Variants in GRM8 observed in about 807,000 individuals in gnomAD.
GRM8 encodes metabotropic glutamate receptor 8.
Under a neutral mutation model 87.2 loss-of-function variants are expected in GRM8, and 47 were observed. The observed-to-expected ratio is 0.54, with a 90% CI of 0.43 to 0.69. The LOEUF (loss-of-function observed/expected upper bound fraction) is 0.69. Ranked by LOEUF, GRM8 falls within the 30% of genes least tolerant of loss-of-function variation. The probability of loss-of-function intolerance (pLI) is 0.00; values close to 1 mark genes in which losing one functional copy is unlikely to be tolerated. For missense variants in GRM8, 1,019 were observed against 1,139.2 expected (o/e 0.89, Z 1.52); for synonymous variants, 396 against 404.5 (o/e 0.98, Z 0.25).
At chr7:127,081,013 A>G (rs1822803604) in intron 3 of GRM8, 1 of 152,196 alleles carries the variant, frequency 6.6e-6, no homozygotes, top group African/African-American at 2.4e-5. Flanking sequence ...ATCATTCAGT[A>G]TCCCCTTGTT....
At chr7:127,136,962 A>T (rs1827976565) in intron 2 of GRM8, among the ~76,000 whole-genome samples, 1 of 152,128 alleles carries the variant, frequency 6.6e-6, no homozygotes, top group Admixed American at 6.5e-5. Flanking sequence ...AAAAAAAAGA[A>T]TAATTGCATA....
At position 126,972,498 on chromosome 7, in the gene GRM8, C is replaced by CT. The variant is rs547554715; in HGVS notation, c.728-67816dup. Among the ~76,000 whole-genome samples the CT allele has an allele frequency of 6.6e-3, 977 of 147,976 alleles. 12 individuals carry two copies. The highest frequency in any genetic ancestry group is 0.022 in the African/African-American group (897 of 40,512). On this transcript the variant is annotated intron_variant, in intron 3 of 10. Transcript: ENST00000339582. ...TGCTTAATTCCTTAATGTCAATCAC[C>CT]TTTTTTTTTTAACTAAGCAAGCAGG...
chr7:126,584,724 A>G (rs756602676), intron 8 of GRM8, among the ~76,000 whole-genome samples: 1 of 152,180 alleles, frequency 6.6e-6, no homozygotes, highest in Non-Finnish European at 1.5e-5. Flanking sequence ...CATTTCCCAA[A>G]TAACGTTTGT....
intron 2 of GRM8, among the ~76,000 whole-genome samples, chr7:127,138,157 C>T (rs776411921): frequency 3.3e-5 from 5 of 152,178 alleles, no homozygotes; most frequent in African/African-American, 4.8e-5. Flanking sequence ...CAGCCCTTAA[C>T]GGTTCAGTGC....
At chr7:126,733,906 T>A (rs10275004) in intron 7 of GRM8, among the ~76,000 whole-genome samples, 125,006 of 151,878 alleles carry the variant, frequency 0.82, 51,553 homozygotes, top group Admixed American at 0.85. Flanking sequence ...CAATTAGACA[T>A]GTAAAAGAAA....
intron 3 of GRM8, among the ~76,000 whole-genome samples, chr7:127,088,346 A>T (rs1823715831): frequency 6.6e-6 from 1 of 152,192 alleles, no homozygotes; most frequent in Admixed American, 6.5e-5. Flanking sequence ...TTTGGTTGCC[A>T]ACACACTAGG....
intron 9 of GRM8, among the ~76,000 whole-genome samples, chr7:126,517,298 A>G (rs1403716602): frequency 2.6e-5 from 4 of 152,092 alleles, no homozygotes; most frequent in African/African-American, 9.7e-5. Context: ...GTTGGTCAGT[A>G]TGGCAAATGA....
intron 2 of GRM8, among the ~76,000 whole-genome samples, chr7:127,194,453 G>T (rs2299551): frequency 0.67 from 101,699 of 151,514 alleles, 35,093 homozygotes; most frequent in African/African-American, 0.76. Context: ...ATAAAATAGA[G>T]TTTGAATAAA....
At chr7:127,145,841 C>T (rs1418690890) in intron 2 of GRM8, among the ~76,000 whole-genome samples, 2 of 152,036 alleles carry the variant, frequency 1.3e-5, no homozygotes, top group African/African-American at 4.8e-5. Context: ...TTGCATGCAA[C>T]ATACTTACAA....
chr7:127,029,361 G>A (rs1489418613), intron 3 of GRM8, among the ~76,000 whole-genome samples: 1 of 152,180 alleles, frequency 6.6e-6, no homozygotes, highest in Non-Finnish European at 1.5e-5. Context: ...GCTTGGCGCA[G>A]AGCTGAGTTC....
intron 9 of GRM8, among the ~76,000 whole-genome samples, chr7:126,493,037 G>C (rs1019161413): frequency 6.6e-6 from 1 of 152,048 alleles, no homozygotes; most frequent in African/African-American, 2.4e-5. Context: ...ATAAAGTTGA[G>C]AATTTTTGTT....
At chr7:126,693,496 G>T (rs1809036867) in intron 7 of GRM8, among the ~76,000 whole-genome samples, 1 of 152,080 alleles carries the variant, frequency 6.6e-6, no homozygotes. Flanking sequence ...ATGTGTATTA[G>T]CATGGTCTCA....
At chr7:127,230,641 G>A (rs1264216669) in intron 2 of GRM8, among the ~76,000 whole-genome samples, 9 of 152,108 alleles carry the variant, frequency 5.9e-5, no homozygotes, top group African/African-American at 1.7e-4. Flanking sequence ...ACTCATAAGC[G>A]TGGAGCCCTT....
chr7:126,892,021 TAA>T (rs5887316), intron 6 of GRM8, among the ~76,000 whole-genome samples: 4 of 95,068 alleles, frequency 4.2e-5, no homozygotes, highest in African/African-American at 4.2e-5. Context: ...TCTTGCAGGG[TAA>T]AAAAAAAAAA....
intron 7 of GRM8, among the ~76,000 whole-genome samples, chr7:126,612,023 A>C (rs1798962940): frequency 6.6e-6 from 1 of 152,168 alleles, no homozygotes; most frequent in African/African-American, 2.4e-5. Context: ...CCCCTCTGTC[A>C]CTTATTGATG....
intron 7 of GRM8, among the ~76,000 whole-genome samples, chr7:126,667,815 A>G (rs1052101773): frequency 3.3e-5 from 5 of 152,214 alleles, no homozygotes; most frequent in Middle Eastern, 3.2e-3. Context: ...TGAACTGAAT[A>G]TCCACGGTGG....
chr7:126,930,707 G>A (rs891872588), intron 3 of GRM8, among the ~76,000 whole-genome samples: 3 of 152,172 alleles, frequency 2.0e-5, no homozygotes, highest in African/African-American at 4.8e-5. Context: ...TTAAGATTAT[G>A]AGCTGATAAT....
intron 7 of GRM8, among the ~76,000 whole-genome samples, chr7:126,754,831 A>G (rs1036307472): frequency 1.3e-5 from 2 of 151,886 alleles, no homozygotes; most frequent in African/African-American, 2.4e-5. Flanking sequence ...TTTTATTTTC[A>G]TAAACATTTT....
rs369434803 is a variant in GRM8 at position 127,195,436 on chromosome 7, A to G, written c.510+47259T>C. Among the ~76,000 whole-genome samples the G allele has an allele frequency of 1.1e-4, 17 of 152,318 alleles. No homozygotes were observed. The South Asian group carries it at 3.5e-3, about 32-fold the overall frequency. On this transcript the variant is annotated intron_variant, in intron 2 of 10. Transcript: ENST00000339582. The stretch of plus-strand genomic sequence containing the variant: ...AGTTAAAAATTAGCTAATAATTATT[A>G]GAGCTCAGAATGAACAAAACTAGTT...
Sources: gnomAD v4.1 joint callset for allele counts (sites outside exome capture counted in the v4.1 genomes callset) on GRCh38, gnomAD v4.1.1 for gene constraint, MANE v1.5 for transcripts, NCBI Gene and HGNC (gene_info 2026-07-23, HGNC 2026-07-21) for gene names.